The following RALYL variants were observed in gnomAD, a reference collection of about 807,000 sequenced individuals.
The protein encoded by RALYL is RNA-binding Raly-like protein.
In RALYL, 29 loss-of-function variants were observed where a neutral mutation model predicts 35.1. The observed-to-expected ratio is 0.83, with a 90% CI of 0.61 to 1.13. The LOEUF is 1.13. Ranked by LOEUF, RALYL falls within the 50% of genes most tolerant of loss-of-function variation. The pLI, the probability that RALYL is intolerant of heterozygous loss-of-function variation, is 0.00. For missense variants in RALYL, 359 were observed against 360.4 expected, an observed-to-expected ratio of 1.00 and a Z score of 0.03; for synonymous variants, 120 against 127.6, an observed-to-expected ratio of 0.94 and a Z score of 0.40.
At chr8:84,799,076 G>C (rs1306278956) in intron 3 of RALYL, among the ~76,000 whole-genome samples, 2 of 152,182 alleles carry the variant, frequency 1.3e-5, no homozygotes, top group Non-Finnish European at 2.9e-5. Flanking sequence ...GGGACTAGAA[G>C]TTGGGGAGCA....
chr8:84,437,330 A>C (rs2047845521), intron 1 of RALYL, among the ~76,000 whole-genome samples: 1 of 152,162 alleles, frequency 6.6e-6, no homozygotes, highest in African/African-American at 2.4e-5. Context: ...ACACAAGTGC[A>C]TGTGTCTTTC....
chr8:84,309,503 A>G (rs1842368491), intron 1 of RALYL, among the ~76,000 whole-genome samples: 1 of 152,072 alleles, frequency 6.6e-6, no homozygotes, highest in South Asian at 2.1e-4. Context: ...AGTAATTCTA[A>G]AATAAAACAT....
chr8:84,840,514 G>A (rs1833022141), intron 4 of RALYL, among the ~76,000 whole-genome samples: 1 of 152,226 alleles, frequency 6.6e-6, no homozygotes, highest in Non-Finnish European at 1.5e-5. Context: ...AAGTGACTGG[G>A]AGAATGGAAC....
intron 8 of RALYL, among the ~76,000 whole-genome samples, chr8:84,916,818 T>C (rs576973309): frequency 1.3e-5 from 2 of 152,214 alleles, no homozygotes; most frequent in East Asian, 3.9e-4. Context: ...AATCAAAAGC[T>C]CTTTATACTG....
chr8:84,322,717 G>T (rs1162203099), intron 1 of RALYL, among the ~76,000 whole-genome samples: 4 of 152,026 alleles, frequency 2.6e-5, no homozygotes, highest in Non-Finnish European at 4.4e-5. Flanking sequence ...TTTAGAGAGT[G>T]ACCAGTGCCT....
At chr8:84,796,621 C>T (rs1040246508) in intron 3 of RALYL, among the ~76,000 whole-genome samples, 20 of 152,230 alleles carry the variant, frequency 1.3e-4, no homozygotes, top group African/African-American at 4.6e-4. Context: ...TACCTTGTAA[C>T]AAAGCTTTTT....
At chr8:84,486,651 T>C (rs2054659080) in intron 1 of RALYL, among the ~76,000 whole-genome samples, 1 of 152,004 alleles carries the variant, frequency 6.6e-6, no homozygotes, top group Non-Finnish European at 1.5e-5. Context: ...TGCAGCTAAA[T>C]TTGAAAGAGA....
At chr8:84,571,908 A>AT (rs1808094597) in intron 2 of RALYL, among the ~76,000 whole-genome samples, 1 of 151,776 alleles carries the variant, frequency 6.6e-6, no homozygotes, top group South Asian at 2.1e-4. Flanking sequence ...GTTTTCATGC[A>AT]TTTTTGTAGT....
intron 1 of RALYL, among the ~76,000 whole-genome samples, chr8:84,519,638 A>G (rs959525197): frequency 2.6e-5 from 4 of 152,244 alleles, no homozygotes; most frequent in Admixed American, 6.5e-5. Context: ...TAAACTAAGC[A>G]TTTCAGAATT....
At chr8:84,829,636 A>G (rs1224989078) in intron 4 of RALYL, among the ~76,000 whole-genome samples, 1 of 152,196 alleles carries the variant, frequency 6.6e-6, no homozygotes, top group Non-Finnish European at 1.5e-5. Context: ...AAAATCAATC[A>G]AACCAAACAC....
chr8:84,518,844 C>T (rs142624700), intron 1 of RALYL, among the ~76,000 whole-genome samples: 10 of 152,234 alleles, frequency 6.6e-5, no homozygotes, highest in Non-Finnish European at 1.2e-4. Context: ...TCATGATTGA[C>T]AGTTTGAACA....
At chr8:84,586,193 C>CAA (rs1246553302) in intron 2 of RALYL, among the ~76,000 whole-genome samples, 3 of 101,580 alleles carry the variant, frequency 3.0e-5, no homozygotes, top group East Asian at 2.6e-4. Context: ...AGATGCGTCT[C>CAA]AAAAAAAAAA....
intron 8 of RALYL, among the ~76,000 whole-genome samples, chr8:84,913,026 G>GGGTGGGTA (rs777817157): frequency 1.0e-5 from 1 of 98,980 alleles, no homozygotes; most frequent in Non-Finnish European, 2.3e-5. Context: ...ATGGATGGAT[G>GGGTGGGTA]GATGGATAGG....
chr8:84,364,430 C>G (rs1853766760), intron 1 of RALYL, among the ~76,000 whole-genome samples: 1 of 151,954 alleles, frequency 6.6e-6, no homozygotes, highest in Non-Finnish European at 1.5e-5. Flanking sequence ...AGCAAATGAC[C>G]TACTAAAAAT....
intron 2 of RALYL, among the ~76,000 whole-genome samples, chr8:84,764,341 G>A (rs1273048609): frequency 6.6e-6 from 1 of 152,048 alleles, no homozygotes; most frequent in Non-Finnish European, 1.5e-5. Context: ...TATGTTGTAT[G>A]TTCAAATAAT....
intron 1 of RALYL, among the ~76,000 whole-genome samples, chr8:84,384,592 C>CT (rs1169734721): frequency 6.6e-6 from 1 of 151,664 alleles, no homozygotes; most frequent in African/African-American, 2.4e-5. Context: ...TCCTTTCTCC[C>CT]ATATTACATG....
At chr8:84,630,535 G>A (rs1823692999) in intron 2 of RALYL, among the ~76,000 whole-genome samples, 1 of 152,022 alleles carries the variant, frequency 6.6e-6, no homozygotes, top group African/African-American at 2.4e-5. Context: ...TTTCTCCGCT[G>A]CTTCCATGTT....
intron 2 of RALYL, among the ~76,000 whole-genome samples, chr8:84,766,530 A>AAAATAAATAAATAAAT (rs10695999): frequency 1.2e-4 from 15 of 125,068 alleles, no homozygotes; most frequent in East Asian, 4.8e-4. Flanking sequence ...CATCTCTACT[A>AAAATAAATAAATAAAT]AAATAAATAA....
chr8:84,797,440 G>C (rs1219896538), intron 3 of RALYL, among the ~76,000 whole-genome samples: 1 of 152,172 alleles, frequency 6.6e-6, no homozygotes, highest in Non-Finnish European at 1.5e-5. Flanking sequence ...ATGTGTGAGA[G>C]AGCTTGGCAG....
Sources: allele counts gnomAD v4.1 joint callset (sites outside exome capture counted in the v4.1 genomes callset), GRCh38; gene constraint gnomAD v4.1.1; transcripts MANE v1.5; gene names NCBI Gene and HGNC (gene_info 2026-07-23, HGNC 2026-07-21).